The following EIF4G3 variants were observed in gnomAD, a reference collection of about 807,000 sequenced individuals.
EIF4G3 encodes eIF-4-gamma 3.
A neutral mutation model predicts 186.4 loss-of-function variants in EIF4G3; 34 were observed. The ratio of observed to expected loss-of-function variants is 0.18; its 90% CI spans 0.14 to 0.24. The LOEUF (loss-of-function observed/expected upper bound fraction) is 0.24, where lower values mean the gene tolerates loss of function less well. Ranked by LOEUF, EIF4G3 falls within the 10% of genes least tolerant of loss-of-function variation. EIF4G3 has a pLI of 1.00. For missense variants in EIF4G3, 1,536 were observed against 1,948.5 expected (o/e 0.79, Z 3.99); for synonymous variants, 673 against 679.5 (o/e 0.99, Z 0.15).
chr1:20,900,954 A>G (rs374114939), intron 15 of EIF4G3, among the ~76,000 whole-genome samples: 2 of 152,210 alleles, frequency 1.3e-5, no homozygotes, highest in South Asian at 2.1e-4. Context: ...TAAAACAGAT[A>G]TAATACTAGT....
chr1:20,908,856 T>G (rs1254748557), intron 14 of EIF4G3, among the ~76,000 whole-genome samples: 2 of 151,994 alleles, frequency 1.3e-5, no homozygotes, highest in African/African-American at 4.8e-5. Flanking sequence ...TCTGAGGTAG[T>G]TAGAATATGG....
At chr1:21,002,379 C>A (rs1375937312) in intron 5 of EIF4G3, among the ~76,000 whole-genome samples, 1 of 152,098 alleles carries the variant, frequency 6.6e-6, no homozygotes, top group Non-Finnish European at 1.5e-5. Flanking sequence ...TTTACTCTTA[C>A]CTGAATTTTG....
In EIF4G3 at chr1:21,054,036, A is replaced by G. The variant is rs564939996; in HGVS notation, c.-195-3042T>C. Among the ~76,000 whole-genome samples the G allele has an allele frequency of 5.3e-5, 8 of 152,300 alleles. No individual in the cohort carries two copies. In the South Asian group the frequency reaches 1.4e-3, roughly 28 times the overall value. ...GTTTTGTGGAATAGAAAGGGGGGAA[A>G]GGTGGGGAAAAGATTGAGAAATCGG... On this transcript the variant is annotated intron_variant, in intron 3 of 36. Transcript: ENST00000602326.
At chr1:20,846,865 T>C (rs1017811666) in intron 29 of EIF4G3, among the ~76,000 whole-genome samples, 3 of 152,212 alleles carry the variant, frequency 2.0e-5, no homozygotes, top group South Asian at 4.1e-4. Flanking sequence ...CCGTGAGGAA[T>C]GTATATAAAA....
chr1:21,107,960 C>A (rs1299751387), intron 2 of EIF4G3, among the ~76,000 whole-genome samples: 1 of 152,248 alleles, frequency 6.6e-6, no homozygotes. Context: ...CCAGCCTGGG[C>A]AACACAAGGA....
intron 14 of EIF4G3, among the ~76,000 whole-genome samples, chr1:20,937,672 G>C (rs1235360574): frequency 1.3e-5 from 2 of 152,138 alleles, no homozygotes; most frequent in Non-Finnish European, 2.9e-5. Context: ...CTTTTAAAAA[G>C]TGGGAAAGTT....
At chr1:21,048,182 C>T (rs905621153) in intron 4 of EIF4G3, among the ~76,000 whole-genome samples, 1 of 152,120 alleles carries the variant, frequency 6.6e-6, no homozygotes, top group African/African-American at 2.4e-5. Context: ...TATGCATTTG[C>T]GAGCAGCCTA....
At chr1:20,922,542 C>G (rs1409063413) in intron 14 of EIF4G3, among the ~76,000 whole-genome samples, 2 of 152,206 alleles carry the variant, frequency 1.3e-5, no homozygotes, top group Non-Finnish European at 2.9e-5. Flanking sequence ...GATAATCCGC[C>G]CGCCTGGGCC....
chr1:21,165,700 G>T (rs2097844848), intron 2 of EIF4G3, among the ~76,000 whole-genome samples: 1 of 152,102 alleles, frequency 6.6e-6, no homozygotes, highest in Admixed American at 6.6e-5. Flanking sequence ...GAGTCATGGG[G>T]AGTCAAACAG....
At chr1:21,100,587 GCA>G (rs1334760416) in intron 2 of EIF4G3, among the ~76,000 whole-genome samples, 4 of 152,148 alleles carry the variant, frequency 2.6e-5, no homozygotes, top group African/African-American at 7.2e-5. Flanking sequence ...GGCTTGCCAA[GCA>G]CAGTTTCACG....
chr1:20,895,528 T>C (rs1292898512), intron 16 of EIF4G3, 27 bp from the exon 17 acceptor site: 1 of 1,611,026 alleles, frequency 6.2e-7, no homozygotes, highest in Non-Finnish European at 8.5e-7. Context: ...AGGCAGACAC[T>C]GTTTGTAGGG....
intron 3 of EIF4G3, among the ~76,000 whole-genome samples, chr1:21,085,976 G>A (rs989247316): frequency 6.6e-6 from 1 of 152,138 alleles, no homozygotes; most frequent in African/African-American, 2.4e-5. Context: ...ACAGGAGTAA[G>A]CCATCGCGCC....
chr1:21,145,211 T>C (rs2097417448), intron 2 of EIF4G3, among the ~76,000 whole-genome samples: 1 of 152,184 alleles, frequency 6.6e-6, no homozygotes, highest in African/African-American at 2.4e-5. Flanking sequence ...TTGTAAGGTA[T>C]CATCAACTCT....
At chr1:20,826,269 C>T (rs1433389601) in intron 32 of EIF4G3, among the ~76,000 whole-genome samples, 4 of 152,076 alleles carry the variant, frequency 2.6e-5, no homozygotes, top group South Asian at 2.1e-4. Flanking sequence ...CAGATTCAAG[C>T]GATTCTCCTG....
intron 4 of EIF4G3, among the ~76,000 whole-genome samples, chr1:21,036,960 G>A (rs2093258491): frequency 6.6e-6 from 1 of 152,120 alleles, no homozygotes; most frequent in Non-Finnish European, 1.5e-5. Context: ...CACCTACTCA[G>A]AAAAAGTAAG....
chr1:20,936,591 A>T (rs2095523271), intron 14 of EIF4G3, among the ~76,000 whole-genome samples: 1 of 152,226 alleles, frequency 6.6e-6, no homozygotes, highest in Non-Finnish European at 1.5e-5. Context: ...TAAGTTGAGC[A>T]AAGGTTAGAA....
At chr1:20,978,103 A>T (rs1334821003) in intron 10 of EIF4G3, among the ~76,000 whole-genome samples, 2 of 152,202 alleles carry the variant, frequency 1.3e-5, no homozygotes, top group Non-Finnish European at 2.9e-5. Context: ...TTTTCTATTT[A>T]AAAAATTCTA....
intron 3 of EIF4G3, among the ~76,000 whole-genome samples, chr1:21,059,642 T>C (rs1055377789): frequency 6.6e-6 from 1 of 152,194 alleles, no homozygotes; most frequent in Non-Finnish European, 1.5e-5. Context: ...GATTTACAGA[T>C]ATTCAAGTAT....
intron 20 of EIF4G3, among the ~76,000 whole-genome samples, chr1:20,868,149 C>T (rs1008052661): frequency 3.4e-5 from 4 of 118,696 alleles, no homozygotes; most frequent in Admixed American, 1.2e-4. Context: ...TAAGTGAGCA[C>T]TTGTTGTCTG....
Sources: gnomAD v4.1 joint callset for allele counts (sites outside exome capture counted in the v4.1 genomes callset) on GRCh38, gnomAD v4.1.1 for gene constraint, MANE v1.5 for transcripts, NCBI Gene and HGNC (gene_info 2026-07-23, HGNC 2026-07-21) for gene names.